MED13L: variants seen among roughly 807,000 people sequenced by gnomAD.
The protein encoded by MED13L is mediator of RNA polymerase II transcription subunit 13-like.
A neutral mutation model predicts 220.9 loss-of-function variants in MED13L; 7 were observed. The ratio of observed to expected loss-of-function variants is 0.03; its 90% CI spans 0.02 to 0.06. The LOEUF is 0.06. MED13L is among the 10% of genes least tolerant of loss of function. The probability of loss-of-function intolerance (pLI) is 1.00; values close to 1 mark genes in which losing one functional copy is unlikely to be tolerated. For synonymous variants in MED13L, 1,011 were observed against 1,015.2 expected (o/e 1.00, Z 0.08); for missense variants, 1,965 against 2,760.5 (o/e 0.71, Z 6.46).
chr12:116,199,388 C>G (rs1015223929), intron 2 of MED13L, among the ~76,000 whole-genome samples: 1 of 152,200 alleles, frequency 6.6e-6, no homozygotes, highest in Admixed American at 6.5e-5. Context: ...GCACACTTCA[C>G]GCACACTTTA....
At chr12:116,242,995 A>C (rs1189043121) in intron 1 of MED13L, among the ~76,000 whole-genome samples, 1 of 152,172 alleles carries the variant, frequency 6.6e-6, no homozygotes, top group East Asian at 1.9e-4. Context: ...AAAGTTCATA[A>C]ATCTTTCTTT....
chr12:116,277,160 G>C lies in MED13L; in HGVS notation c.-29C>G, dbSNP rs1359129466. The C allele has an allele frequency of 2.6e-6, 4 of 1,532,088 alleles. No individual in the cohort carries two copies. The highest frequency in any genetic ancestry group is 3.5e-6 in the Non-Finnish European group (4 of 1,136,724). 94.9% of individuals were successfully genotyped at this position (1,532,088 alleles called of 1,614,324 possible). A position where few individuals can be genotyped will look rare whatever the true frequency, so the allele number is the denominator to read the frequency against. On this transcript the variant is annotated 5_prime_UTR_variant, in exon 1 of 31. Coordinates refer to ENST00000281928, the MANE Select transcript of MED13L (RefSeq NM_015335.5). ...CCTCCGCGAGCCCGGCCGCCAGAGC[G>C]GGGCATGTCGGAGCGAGGCGTCCGA...
In MED13L at chr12:116,008,726, G is replaced by C; in HGVS notation, c.1687C>G (p.Pro563Ala). 1 of 1,614,026 alleles carries C rather than the reference G, an allele frequency of 6.2e-7. No homozygotes were observed. Among genetic ancestry groups the C allele is most frequent in the Non-Finnish European group, 8.5e-7 (1 of 1,179,990 alleles). ...AAACTCTCTGTTTCCTGACCTCGTGGCTGAGGGCTGAGTGTTGGTGGCAGA... is the reference window on the plus strand; with the variant it reads ...AAACTCTCTGTTTCCTGACCTCGTGCCTGAGGGCTGAGTGTTGGTGGCAGA... ...SPLPPTLSPQ[P>A]RGQETESLDP... Residue 563 changes from proline to alanine, a missense_variant, in exon 10 of 31, where the codon CCA (proline) becomes GCA (alanine). Coordinates refer to ENST00000281928, the MANE Select transcript of MED13L (RefSeq NM_015335.5).
intron 2 of MED13L, among the ~76,000 whole-genome samples, chr12:116,234,641 A>C (rs1002602528): frequency 6.6e-6 from 1 of 152,034 alleles, no homozygotes; most frequent in Non-Finnish European, 1.5e-5. Context: ...AAGCCTGCTA[A>C]AAGGATTCTG....
intron 2 of MED13L, among the ~76,000 whole-genome samples, chr12:116,150,132 C>A (rs1242966336): frequency 6.6e-6 from 1 of 152,182 alleles, no homozygotes; most frequent in Non-Finnish European, 1.5e-5. Context: ...CTGTAAAGAC[C>A]TAATTGGAAT....
intron 5 of MED13L, 52 bp downstream of exon 5, chr12:116,022,404 G>T (rs1389675013): frequency 1.2e-6 from 2 of 1,605,012 alleles, no homozygotes; most frequent in South Asian, 2.2e-5. Flanking sequence ...GGGCAAGATG[G>T]TTATCCACTC....
At chr12:116,005,011 T>A (rs1237010089) in intron 13 of MED13L, among the ~76,000 whole-genome samples, 1 of 152,238 alleles carries the variant, frequency 6.6e-6, no homozygotes, top group Middle Eastern at 3.4e-3. Flanking sequence ...TGTCTGTGAG[T>A]GTCTCAAGTA....
At chr12:116,053,450 A>T (rs1868679654) in intron 4 of MED13L, among the ~76,000 whole-genome samples, 1 of 152,234 alleles carries the variant, frequency 6.6e-6, no homozygotes, top group Non-Finnish European at 1.5e-5. Flanking sequence ...GACTTTTAGG[A>T]TTCGGATAAT....
intron 2 of MED13L, among the ~76,000 whole-genome samples, chr12:116,153,342 G>A (rs1403002065): frequency 6.6e-6 from 1 of 152,056 alleles, no homozygotes; most frequent in East Asian, 1.9e-4. Context: ...GCCAAAATGT[G>A]GAACAAAAGA....
At chr12:116,163,362 ATTTTT>A (rs35808540) in intron 2 of MED13L, among the ~76,000 whole-genome samples, 1 of 140,320 alleles carries the variant, frequency 7.1e-6, no homozygotes. Flanking sequence ...TAGGTGAAGA[ATTTTT>A]TTTTTTTTTT....
chr12:116,236,992 C>T (rs1290024419), intron 2 of MED13L: 4 of 403,760 alleles, frequency 9.9e-6, no homozygotes, highest in African/African-American at 2.2e-5. Context: ...CCTCAAAATA[C>T]TATTCAATGT....
At chr12:116,079,026 G>A (rs1259183933) in intron 4 of MED13L, among the ~76,000 whole-genome samples, 1 of 152,110 alleles carries the variant, frequency 6.6e-6, no homozygotes, top group Non-Finnish European at 1.5e-5. Context: ...GACGTCAAAA[G>A]ACTACAACAC....
intron 4 of MED13L, among the ~76,000 whole-genome samples, chr12:116,080,145 T>C (rs187899242): frequency 2.6e-3 from 399 of 152,242 alleles, no homozygotes; most frequent in African/African-American, 9.3e-3. Flanking sequence ...CCTTGTGCTA[T>C]ATTGTAACTT....
intron 14 of MED13L, among the ~76,000 whole-genome samples, chr12:115,998,105 C>A (rs1878519008): frequency 6.6e-6 from 1 of 152,058 alleles, no homozygotes. Flanking sequence ...ATACTTAGAA[C>A]AGCGGTTCTG....
chr12:116,197,663 G>C (rs907974107), intron 2 of MED13L, among the ~76,000 whole-genome samples: 1 of 152,078 alleles, frequency 6.6e-6, no homozygotes, highest in Non-Finnish European at 1.5e-5. Context: ...CTACTCGGGA[G>C]GCTGAGGCAG....
intron 4 of MED13L, among the ~76,000 whole-genome samples, chr12:116,077,539 G>T (rs1870899398): frequency 6.6e-6 from 1 of 152,128 alleles, no homozygotes; most frequent in Non-Finnish European, 1.5e-5. Flanking sequence ...TAAAGGAATG[G>T]AACAATGGGC....
At chr12:116,038,650 G>A (rs1165911848) in intron 4 of MED13L, among the ~76,000 whole-genome samples, 2 of 141,666 alleles carry the variant, frequency 1.4e-5, no homozygotes, top group African/African-American at 2.6e-5. Context: ...GAAATGACCC[G>A]CCAAAAGAGT....
At chr12:115,976,283 G>C (rs1039004258) in intron 23 of MED13L, among the ~76,000 whole-genome samples, 1 of 152,192 alleles carries the variant, frequency 6.6e-6, no homozygotes, top group East Asian at 1.9e-4. Context: ...AACAGTGAAA[G>C]AGATAATAAA....
At chr12:115,989,932 T>C (rs766124653) in intron 17 of MED13L, among the ~76,000 whole-genome samples, 12 of 152,200 alleles carry the variant, frequency 7.9e-5, no homozygotes, top group African/African-American at 1.4e-4. Flanking sequence ...CCAGTGCACA[T>C]TGTTATTTTT....
Sources: gnomAD v4.1 joint callset for allele counts (sites outside exome capture counted in the v4.1 genomes callset) on GRCh38, gnomAD v4.1.1 for gene constraint, MANE v1.5 for transcripts, NCBI Gene and HGNC (gene_info 2026-07-23, HGNC 2026-07-21) for gene names.